The following DNAH14 variants were observed in gnomAD, a reference collection of about 807,000 sequenced individuals.
DNAH14 encodes the protein axonemal beta dynein heavy chain 14.
A neutral mutation model predicts 520.9 loss-of-function variants in DNAH14; 478 were observed. That is an observed-to-expected ratio of 0.92 (90% CI 0.85 to 0.99). The LOEUF (loss-of-function observed/expected upper bound fraction) is 0.99. Ranked by LOEUF, DNAH14 falls within the 50% of genes least tolerant of loss-of-function variation. The pLI, the probability that DNAH14 is intolerant of heterozygous loss-of-function variation, is 0.00. For synonymous variants in DNAH14, 1,581 were observed against 1,757.2 expected, an observed-to-expected ratio of 0.90 and a Z score of 2.51; for missense variants, 4,831 against 5,234.5, an observed-to-expected ratio of 0.92 and a Z score of 2.38.
At chr1:225,338,678 A>G (rs1372031926) in intron 68 of DNAH14, among the ~76,000 whole-genome samples, 3 of 152,190 alleles carry the variant, frequency 2.0e-5, no homozygotes, top group Non-Finnish European at 4.4e-5. Flanking sequence ...CCAATTTCAC[A>G]CAGCACTGTT....
In DNAH14 at chr1:225,144,476, G is replaced by A. The variant is rs372717757; in HGVS notation, c.4588G>A (p.Glu1530Lys). ...AAATGCCAGCTTTACTTATGGCTAT[G>A]AGTACTTGGGCTGTACCTCAAGATT... is the stretch of plus-strand genomic sequence containing the variant. Reference protein sequence around the residue: ...QGNASFTYGYEYLGCTSRLVI... With the variant: ...QGNASFTYGYKYLGCTSRLVI... Residue 1530 changes from glutamate to lysine, a missense_variant, in exon 29 of 86, where the codon GAG becomes AAG. Glu to Lys is a moderately conservative substitution (Grantham distance 56). Transcript: ENST00000682510. The A allele has an allele frequency of 6.4e-7, 1 of 1,551,480 alleles. No homozygotes were observed. Among genetic ancestry groups the A allele is most frequent in the African/African-American group, 1.4e-5 (1 of 73,016 alleles).
At chr1:224,974,835 C>T (rs954504514) in intron 8 of DNAH14, among the ~76,000 whole-genome samples, 10 of 152,002 alleles carry the variant, frequency 6.6e-5, no homozygotes, top group Admixed American at 2.0e-4. Context: ...CAGTTTTTGC[C>T]CATTCAGTAT....
chr1:225,205,723 G>A (rs962512229), intron 39 of DNAH14, among the ~76,000 whole-genome samples: 7 of 152,054 alleles, frequency 4.6e-5, no homozygotes, highest in Non-Finnish European at 8.8e-5. Context: ...AATTGTAAGG[G>A]TTAATTATCT....
At chr1:225,111,046 C>T (rs2076437248) in intron 23 of DNAH14, among the ~76,000 whole-genome samples, 1 of 151,990 alleles carries the variant, frequency 6.6e-6, no homozygotes, top group Admixed American at 6.6e-5. Context: ...CCTAACATAT[C>T]ATTCTTTGAA....
chr1:225,082,435 T>C, intron 19 of DNAH14, 114 bp from the exon 20 acceptor site: 2 of 771,098 alleles, frequency 2.6e-6, no homozygotes. Flanking sequence ...AGTTTAATAA[T>C]TGATAAAGTA....
At chr1:225,189,748 C>T (rs564617036) in intron 37 of DNAH14, among the ~76,000 whole-genome samples, 2 of 151,820 alleles carry the variant, frequency 1.3e-5, no homozygotes, top group Non-Finnish European at 2.9e-5. Flanking sequence ...CTTCACTATG[C>T]CAATTTCTTC....
At chr1:225,358,375 G>A in intron 73 of DNAH14, 121 bp from the exon 74 acceptor site, 1 of 902,166 alleles carries the variant, frequency 1.1e-6, no homozygotes, top group African/African-American at 1.7e-5. Context: ...TTCCTCAACA[G>A]GAAAACTCTG....
chr1:225,391,943 T>C (rs766828354), intron 83 of DNAH14, among the ~76,000 whole-genome samples: 3 of 152,062 alleles, frequency 2.0e-5, no homozygotes, highest in Non-Finnish European at 4.4e-5. Flanking sequence ...CTGGGTCCCA[T>C]CTTTGTTGCC....
chr1:225,088,899 TA>T (rs1259522261), intron 21 of DNAH14, among the ~76,000 whole-genome samples: 1 of 152,204 alleles, frequency 6.6e-6, no homozygotes, highest in East Asian at 1.9e-4. Context: ...AAGAAATGGA[TA>T]ACTGGAATAA....
chr1:225,202,314 G>T (rs1267368524), intron 38 of DNAH14, among the ~76,000 whole-genome samples: 1 of 152,168 alleles, frequency 6.6e-6, no homozygotes, highest in East Asian at 1.9e-4. Context: ...CATTAGGTGG[G>T]GATGAGGCTA....
At chr1:225,235,567 G>T (rs2091515050) in intron 42 of DNAH14, among the ~76,000 whole-genome samples, 1 of 152,144 alleles carries the variant, frequency 6.6e-6, no homozygotes. Flanking sequence ...AGGAGTTAGG[G>T]AGGAGTCCCT....
intron 81 of DNAH14, among the ~76,000 whole-genome samples, chr1:225,387,587 C>A (rs1371460390): frequency 1.3e-5 from 2 of 151,908 alleles, no homozygotes; most frequent in Admixed American, 1.3e-4. Flanking sequence ...ATGAATGAGA[C>A]CTAAAAACAA....
At chr1:225,060,418 A>AG (rs530825565) in intron 17 of DNAH14, among the ~76,000 whole-genome samples, 27 of 151,786 alleles carry the variant, frequency 1.8e-4, no homozygotes, top group African/African-American at 6.5e-4. Context: ...CATTTGTCTA[A>AG]TTTTTTTTCA....
chr1:225,224,878 C>T (rs1049356945), intron 41 of DNAH14, among the ~76,000 whole-genome samples: 6 of 152,176 alleles, frequency 3.9e-5, no homozygotes, highest in African/African-American at 1.4e-4. Context: ...TATTGCAGAA[C>T]CTTGAAACAG....
At chr1:225,018,172 A>G (rs2065368505) in intron 10 of DNAH14, among the ~76,000 whole-genome samples, 1 of 152,208 alleles carries the variant, frequency 6.6e-6, no homozygotes, top group African/African-American at 2.4e-5. Context: ...CAGTAAAACA[A>G]TCCAAGAGTT....
At chr1:224,940,660 A>G (rs1034675604) in intron 1 of DNAH14, among the ~76,000 whole-genome samples, 3 of 151,790 alleles carry the variant, frequency 2.0e-5, no homozygotes, top group Non-Finnish European at 4.4e-5. Flanking sequence ...TCCTAATGCT[A>G]TCCCTCCCCC....
At position 224,967,508 on chromosome 1, in the gene DNAH14, T is replaced by A. The variant is rs761626755; in HGVS notation, c.576T>A (p.Asp192Glu). 2.5e-6 allele frequency: 4 copies of A among 1,603,760 alleles called. No individual in the cohort carries two copies. The highest frequency in any genetic ancestry group is 3.4e-5 in the Admixed American group (2 of 58,082). Residue 192 changes from aspartate to glutamate, a missense_variant, in exon 6 of 86, where the codon GAT becomes GAA. By Grantham distance (45) the Asp-to-Glu change is conservative. Coordinates refer to ENST00000682510, the MANE Select transcript of DNAH14 (RefSeq NM_001367479.1). ...CTAAATCCCTTTACAATCCATATGA[T>A]CTTCAGGTAGTATCGGCTCATACTG... ...KSPKSLYNPY[D>E]LQVVSAHTAK...
chr1:225,367,761 T>A (rs1447548957), intron 76 of DNAH14, 44 bp from the exon 77 acceptor site: 2 of 1,380,256 alleles, frequency 1.4e-6, no homozygotes, highest in South Asian at 1.3e-5. Context: ...GACCAGTGCC[T>A]GCATCTGTCC....
chr1:225,205,094 C>G (rs189001891), intron 39 of DNAH14, among the ~76,000 whole-genome samples: 97 of 152,258 alleles, frequency 6.4e-4, no homozygotes, highest in African/African-American at 2.2e-3. Context: ...ATTCATACCT[C>G]CCCTATCCTG....
Sources: gnomAD v4.1 joint callset for allele counts (sites outside exome capture counted in the v4.1 genomes callset) on GRCh38, gnomAD v4.1.1 for gene constraint, MANE v1.5 for transcripts, NCBI Gene and HGNC (gene_info 2026-07-23, HGNC 2026-07-21) for gene names.